Variants in RPH3A observed in about 807,000 individuals in gnomAD.
RPH3A encodes rabphilin-3A.
In RPH3A, 48 loss-of-function variants were observed where a neutral mutation model predicts 102.2. The ratio of observed to expected loss-of-function variants is 0.47; its 90% CI spans 0.37 to 0.60. The LOEUF is 0.60. Among genes scored for constraint, RPH3A ranks in the 20% least tolerant of loss-of-function variants. The pLI is 0.00. For missense variants in RPH3A, 781 were observed against 910.1 expected (o/e 0.86, Z 1.83); for synonymous variants, 310 against 324.3 (o/e 0.96, Z 0.47).
intron 1 of RPH3A, among the ~76,000 whole-genome samples, chr12:112,748,718 A>G (rs1046360265): frequency 7.2e-5 from 11 of 152,064 alleles, no homozygotes; most frequent in African/African-American, 2.7e-4. Flanking sequence ...AGATGGTCCT[A>G]ATGTGTAGAA....
chr12:112,711,278 A>G lies in RPH3A; in HGVS notation c.-139-80865A>G, dbSNP rs533827137. 3.1e-4 allele frequency among the ~76,000 whole-genome samples: 47 copies of G among 152,238 alleles called. 1 individual carries two copies. The South Asian group carries it at 8.1e-3, about 26-fold the overall frequency. ...AGCTCCCGGAGTGTTTCTTGTGCAT[A>G]CCCAAACTGCCCTATATAAGCATAG... On this transcript the variant is annotated intron_variant, in intron 1 of 21. Transcript: ENST00000543106.
intron 1 of RPH3A, among the ~76,000 whole-genome samples, chr12:112,601,005 T>C (rs1441017583): frequency 6.6e-6 from 1 of 152,080 alleles, no homozygotes; most frequent in Non-Finnish European, 1.5e-5. Flanking sequence ...CCATTAGATC[T>C]CATGAGAGGC....
chr12:112,643,164 GA>G (rs1333256966), intron 1 of RPH3A, among the ~76,000 whole-genome samples: 1 of 152,154 alleles, frequency 6.6e-6, no homozygotes, highest in Non-Finnish European at 1.5e-5. Flanking sequence ...CCTGGCTCCC[GA>G]ATCTGTGCAT....
At chr12:112,646,877 G>A (rs959549760) in intron 1 of RPH3A, among the ~76,000 whole-genome samples, 22 of 152,164 alleles carry the variant, frequency 1.4e-4, no homozygotes, top group African/African-American at 5.1e-4. Context: ...TTTGATGACC[G>A]ATGTGGAGAT....
chr12:112,684,410 T>G (rs2040248525), intron 1 of RPH3A, among the ~76,000 whole-genome samples: 4 of 151,896 alleles, frequency 2.6e-5, no homozygotes, highest in Non-Finnish European at 4.4e-5. Context: ...AGGTACCTGC[T>G]ACCATGCACA....
At chr12:112,828,865 T>A (rs2041923450) in intron 3 of RPH3A, among the ~76,000 whole-genome samples, 1 of 152,220 alleles carries the variant, frequency 6.6e-6, no homozygotes, top group Non-Finnish European at 1.5e-5. Flanking sequence ...TTGGGAGATT[T>A]CACACGAAAG....
intron 1 of RPH3A, among the ~76,000 whole-genome samples, chr12:112,716,156 C>T (rs757284339): frequency 6.6e-6 from 1 of 152,182 alleles, no homozygotes; most frequent in African/African-American, 2.4e-5. Flanking sequence ...TCCCTTACCG[C>T]GTGCAGTTTT....
At chr12:112,734,515 G>A (rs1218928691) in intron 1 of RPH3A, among the ~76,000 whole-genome samples, 2 of 152,226 alleles carry the variant, frequency 1.3e-5, no homozygotes, top group Non-Finnish European at 2.9e-5. Flanking sequence ...CTTGGATCTT[G>A]CTTAAGAAAG....
intron 1 of RPH3A, among the ~76,000 whole-genome samples, chr12:112,589,419 A>C (rs2039460615): frequency 6.6e-6 from 1 of 152,080 alleles, no homozygotes; most frequent in Admixed American, 6.6e-5. Context: ...TCCAACCACC[A>C]TGGCCTCCTT....
At chr12:112,743,672 G>T (rs564240083) in intron 1 of RPH3A, among the ~76,000 whole-genome samples, 5 of 152,086 alleles carry the variant, frequency 3.3e-5, no homozygotes, top group Non-Finnish European at 7.4e-5. Context: ...TTGAATAGGA[G>T]TTTAGGGTTT....
chr12:112,765,641 T>G (rs1275155433), intron 1 of RPH3A, among the ~76,000 whole-genome samples: 1 of 152,184 alleles, frequency 6.6e-6, no homozygotes, highest in Non-Finnish European at 1.5e-5. Context: ...ATGAAATGAC[T>G]CAATGCATGT....
chr12:112,687,695 C>T (rs994295780), intron 1 of RPH3A, among the ~76,000 whole-genome samples: 4 of 152,204 alleles, frequency 2.6e-5, no homozygotes, highest in Non-Finnish European at 4.4e-5. Context: ...ATTGTGGATG[C>T]CATTGCTTCT....
intron 1 of RPH3A, among the ~76,000 whole-genome samples, chr12:112,635,684 G>C (rs1438185823): frequency 6.6e-6 from 1 of 152,186 alleles, no homozygotes; most frequent in East Asian, 1.9e-4. Context: ...CTGGGGTACT[G>C]TCATCTTTGG....
At chr12:112,743,039 C>T (rs1330052928) in intron 1 of RPH3A, among the ~76,000 whole-genome samples, 2 of 152,184 alleles carry the variant, frequency 1.3e-5, no homozygotes, top group African/African-American at 4.8e-5. Context: ...CCTACTTCCT[C>T]TTCTGTAGTC....
chr12:112,609,735 C>G (rs544597569), intron 1 of RPH3A, among the ~76,000 whole-genome samples: 2 of 152,318 alleles, frequency 1.3e-5, no homozygotes, highest in South Asian at 2.1e-4. Context: ...ACCTGCCCCC[C>G]AAACCAACCT....
chr12:112,866,919 A>G (rs2042621276), intron 7 of RPH3A, 79 bp downstream of exon 7: 2 of 1,060,316 alleles, frequency 1.9e-6, no homozygotes, highest in East Asian at 2.6e-5. Context: ...AGAGGTTTGT[A>G]TGAAAGGACC....
At chr12:112,678,295 A>AGAGAGAGAGAGAGAGAGAGAGAGAG (rs1566255284) in intron 1 of RPH3A, among the ~76,000 whole-genome samples, 2 of 34,840 alleles carry the variant, frequency 5.7e-5, no homozygotes, top group African/African-American at 2.3e-4. Context: ...GAAAGAAAGA[A>AGAGAGAGAGAGAGAGAGAGAGAGAG]AGAAAGAAAG....
intron 2 of RPH3A, among the ~76,000 whole-genome samples, chr12:112,811,004 G>A (rs536662871): frequency 1.1e-4 from 17 of 151,932 alleles, no homozygotes; most frequent in Non-Finnish European, 1.9e-4. Flanking sequence ...AAGAGAGAGC[G>A]AGAGGGAGTC....
intron 2 of RPH3A, among the ~76,000 whole-genome samples, chr12:112,808,694 G>T (rs1717209273): frequency 6.6e-6 from 1 of 152,176 alleles, no homozygotes; most frequent in Admixed American, 6.5e-5. Flanking sequence ...TTCTCAGAAT[G>T]CAATCCACAG....
Sources: allele counts gnomAD v4.1 joint callset (sites outside exome capture counted in the v4.1 genomes callset), GRCh38; gene constraint gnomAD v4.1.1; transcripts MANE v1.5; gene names NCBI Gene and HGNC (gene_info 2026-07-23, HGNC 2026-07-21).